KAT6B: variants seen among roughly 807,000 people sequenced by gnomAD.
KAT6B encodes the protein lysine acetyltransferase 6B.
Under a neutral mutation model 187.5 loss-of-function variants are expected in KAT6B, and 10 were observed. That is an observed-to-expected ratio of 0.05 (90% CI 0.03 to 0.09). KAT6B has a LOEUF of 0.09. Ranked by LOEUF, KAT6B falls within the 10% of genes least tolerant of loss-of-function variation. The pLI is 1.00. For synonymous variants in KAT6B, 861 were observed against 926.8 expected, an observed-to-expected ratio of 0.93 and a Z score of 1.29; for missense variants, 1,952 against 2,558.9, an observed-to-expected ratio of 0.76 and a Z score of 5.12.
intron 3 of KAT6B, among the ~76,000 whole-genome samples, chr10:74,884,118 A>ACCTT (rs768028309): frequency 2.6e-4 from 40 of 152,192 alleles, no homozygotes; most frequent in Non-Finnish European, 4.9e-4. Flanking sequence ...ATTCATAGAC[A>ACCTT]CCTTCCACCT....
chr10:74,937,963 C>T (rs1210750205), intron 3 of KAT6B, among the ~76,000 whole-genome samples: 1 of 152,152 alleles, frequency 6.6e-6, no homozygotes, highest in Non-Finnish European at 1.5e-5. Context: ...AATGGTAAAA[C>T]ATACCCCAAA....
In KAT6B at chr10:75,029,037, T is replaced by C; in HGVS notation, c.4213T>C (p.Leu1405=). Residue 1405 remains leucine (L), a synonymous_variant, in exon 18 of 18, where the codon TTG becomes CTG. Transcript: ENST00000287239. The surrounding 1 kb of genome is among the most constrained non-coding windows in gnomAD (Gnocchi z 6.2). The part of the protein sequence containing the change: ...ISTEKEDSAR[L]DDHEEEEEED... ...CACGGAAAAAGAAGACTCTGCACGT[T>C]TGGATGATCACGAAGAGGAGGAGGA... is the stretch of plus-strand genomic sequence containing the variant. The C allele has an allele frequency of 6.2e-7, 1 of 1,613,752 alleles. No individual in the cohort carries two copies. Among genetic ancestry groups the C allele is most frequent in the East Asian group, 2.2e-5 (1 of 44,868 alleles).
chr10:75,009,047 C>T (rs561297535), intron 13 of KAT6B, among the ~76,000 whole-genome samples: 1 of 152,302 alleles, frequency 6.6e-6, no homozygotes, highest in East Asian at 1.9e-4. Context: ...ATTTACACTT[C>T]CAATCTACTT....
At chr10:74,919,770 T>A (rs1185782560) in intron 3 of KAT6B, among the ~76,000 whole-genome samples, 1 of 152,212 alleles carries the variant, frequency 6.6e-6, no homozygotes, top group Admixed American at 6.5e-5. Flanking sequence ...TCTCACTGTA[T>A]GCTCTATGCC....
intron 12 of KAT6B, among the ~76,000 whole-genome samples, chr10:74,988,536 A>G (rs1842948836): frequency 6.6e-6 from 1 of 152,248 alleles, no homozygotes; most frequent in African/African-American, 2.4e-5. Flanking sequence ...ACATCTACCC[A>G]CACAGATACT....
chr10:74,919,785 C>T (rs901719485), intron 3 of KAT6B, among the ~76,000 whole-genome samples: 2 of 152,110 alleles, frequency 1.3e-5, no homozygotes, highest in Non-Finnish European at 2.9e-5. Context: ...TATGCCTTTA[C>T]CCTCTTTTGT....
intron 3 of KAT6B, among the ~76,000 whole-genome samples, chr10:74,937,474 T>C (rs998752139): frequency 2.0e-5 from 3 of 152,230 alleles, no homozygotes; most frequent in Non-Finnish European, 4.4e-5. Flanking sequence ...TGATAAGTTA[T>C]AATGATCTAT....
intron 1 of KAT6B, among the ~76,000 whole-genome samples, chr10:74,835,882 G>A (rs949598930): frequency 6.6e-6 from 1 of 151,986 alleles, no homozygotes; most frequent in African/African-American, 2.4e-5. Flanking sequence ...CAAATCAGTG[G>A]CATTTAGTAC....
chr10:74,995,417 A>G (rs1723616344), intron 13 of KAT6B, among the ~76,000 whole-genome samples: 1 of 152,214 alleles, frequency 6.6e-6, no homozygotes, highest in Admixed American at 6.5e-5. Flanking sequence ...AAAAATGGAA[A>G]CTGTATTAAA....
rs1844784558 is a variant in KAT6B at position 74,880,703 on chromosome 10, C to T, written c.621+37225C>T. On this transcript the variant is annotated intron_variant, in intron 3 of 17. Coordinates refer to ENST00000287239, the MANE Select transcript of KAT6B (RefSeq NM_012330.4). The stretch of plus-strand genomic sequence containing the variant: ...CAATCTCGGCTCACTGCAACCTCCA[C>T]CTCCCAGGCTCAAGCAATTCTCCTG... 2.0e-5 allele frequency among the ~76,000 whole-genome samples: 3 copies of T among 152,294 alleles called. No homozygotes were observed. The South Asian group carries it at 6.2e-4, about 32-fold the overall frequency.
At chr10:74,850,423 A>G (rs1007254175) in intron 3 of KAT6B, among the ~76,000 whole-genome samples, 1 of 152,228 alleles carries the variant, frequency 6.6e-6, no homozygotes, top group Non-Finnish European at 1.5e-5. Context: ...ATTCCGATGC[A>G]TGACTGCTAG....
At chr10:75,008,391 T>C (rs1357399722) in intron 13 of KAT6B, among the ~76,000 whole-genome samples, 1 of 152,188 alleles carries the variant, frequency 6.6e-6, no homozygotes, top group African/African-American at 2.4e-5. Context: ...AGAGAAAAGA[T>C]GTTAAAAGTT....
intron 8 of KAT6B, chr10:74,976,940 A>C: frequency 3.5e-6 from 1 of 282,922 alleles, no homozygotes; most frequent in Non-Finnish European, 6.8e-6. Flanking sequence ...CAAAAACCGA[A>C]ACTGTGTCAT....
intron 13 of KAT6B, among the ~76,000 whole-genome samples, chr10:74,993,587 G>C (rs950143594): frequency 6.6e-6 from 1 of 152,088 alleles, no homozygotes; most frequent in Admixed American, 6.5e-5. Flanking sequence ...TAAATTTTGC[G>C]AGATTATACT....
At chr10:75,021,407 A>G in intron 15 of KAT6B, 122 bp downstream of exon 15, 1 of 882,842 alleles carries the variant, frequency 1.1e-6, no homozygotes, top group Non-Finnish European at 1.8e-6. Flanking sequence ...GTGAAATGAT[A>G]TGGCACTAAT....
At chr10:74,920,420 G>C (rs2133049271) in intron 3 of KAT6B, among the ~76,000 whole-genome samples, 1 of 152,234 alleles carries the variant, frequency 6.6e-6, no homozygotes, top group South Asian at 2.1e-4. Context: ...TGAGTGTTGG[G>C]TTTACCTCTT....
intron 3 of KAT6B, among the ~76,000 whole-genome samples, chr10:74,894,156 C>T (rs1845828863): frequency 6.6e-6 from 1 of 151,984 alleles, no homozygotes. Context: ...GATCTCGGCT[C>T]GCTGCAACTT....
chr10:74,968,480 G>A (rs1841633070), intron 4 of KAT6B, among the ~76,000 whole-genome samples: 1 of 152,010 alleles, frequency 6.6e-6, no homozygotes, highest in African/African-American at 2.4e-5. Context: ...TCTCCTGGTG[G>A]GTGGAATTTT....
intron 3 of KAT6B, among the ~76,000 whole-genome samples, chr10:74,919,082 G>A (rs891972074): frequency 1.3e-5 from 2 of 151,926 alleles, no homozygotes; most frequent in African/African-American, 4.8e-5. Context: ...AATGGGCCAG[G>A]CGTGGTGGCA....
Sources: gnomAD v4.1 joint callset for allele counts (sites outside exome capture counted in the v4.1 genomes callset) on GRCh38, gnomAD v4.1.1 for gene constraint, Gnocchi (gnomAD v3.1) non-coding constraint, MANE v1.5 for transcripts, NCBI Gene and HGNC (gene_info 2026-07-23, HGNC 2026-07-21) for gene names.